Variants in MARCHF1 observed in about 807,000 individuals in gnomAD.
MARCHF1 encodes the protein membrane associated ring-CH-type finger 1.
In MARCHF1, 40 loss-of-function variants were observed where a neutral mutation model predicts 54.2. That is an observed-to-expected ratio of 0.74 (90% CI 0.57 to 0.96). The LOEUF (loss-of-function observed/expected upper bound fraction) is 0.96, where lower values mean the gene tolerates loss of function less well. Ranked by LOEUF, MARCHF1 falls within the 40% of genes least tolerant of loss-of-function variation. The pLI, the probability that MARCHF1 is intolerant of heterozygous loss-of-function variation, is 0.00. For synonymous variants in MARCHF1, 236 were observed against 236.3 expected (o/e 1.00, Z 0.01); for missense variants, 586 against 656.5 (o/e 0.89, Z 1.17).
At chr4:163,714,276 T>C (rs1011031545) in intron 4 of MARCHF1, among the ~76,000 whole-genome samples, 1 of 152,164 alleles carries the variant, frequency 6.6e-6, no homozygotes. Context: ...TCCAAATAAA[T>C]ATGCAATGTA....
chr4:164,150,037 T>C (rs1271135980), intron 1 of MARCHF1, among the ~76,000 whole-genome samples: 17 of 152,136 alleles, frequency 1.1e-4, no homozygotes, highest in Admixed American at 1.1e-3. Context: ...TATTATTGTC[T>C]CATAAAACGA....
At chr4:163,592,657 T>A (rs1740629197) in intron 7 of MARCHF1, among the ~76,000 whole-genome samples, 1 of 152,132 alleles carries the variant, frequency 6.6e-6, no homozygotes, top group Non-Finnish European at 1.5e-5. Flanking sequence ...TGCAATGGAT[T>A]GGGAAGATTC....
At chr4:163,853,379 GT>G (rs1749690353) in intron 4 of MARCHF1, among the ~76,000 whole-genome samples, 1 of 152,132 alleles carries the variant, frequency 6.6e-6, no homozygotes, top group Non-Finnish European at 1.5e-5. Context: ...AATGAAGAAT[GT>G]TACAGCCAAA....
At chr4:163,851,153 G>T (rs916313248) in intron 4 of MARCHF1, among the ~76,000 whole-genome samples, 1 of 152,062 alleles carries the variant, frequency 6.6e-6, no homozygotes, top group Non-Finnish European at 1.5e-5. Context: ...AAAAATTAAG[G>T]TAATATAGTT....
At chr4:163,789,032 T>C (rs978034592) in intron 4 of MARCHF1, among the ~76,000 whole-genome samples, 2 of 151,894 alleles carry the variant, frequency 1.3e-5, no homozygotes, top group African/African-American at 4.8e-5. Context: ...GTTCTAATGG[T>C]GATTTTTGTT....
rs181342091 is a variant in MARCHF1 at position 164,062,504 on chromosome 4, A to C, written c.-248+49084T>G. ...ATATATGGATACTACAACATTACAA[A>C]ATTTTTCTTTTAGTTGTTATTTATT... On this transcript the variant is annotated intron_variant, in intron 2 of 9. Coordinates refer to ENST00000514618, the MANE Select transcript of MARCHF1 (RefSeq NM_001394959.1). Among the ~76,000 whole-genome samples the C allele has an allele frequency of 2.0e-5, 3 of 152,030 alleles. No homozygotes were observed. In the East Asian group the frequency reaches 5.8e-4, roughly 29 times the overall value.
chr4:164,369,283 C>T (rs1164589069), intron 1 of MARCHF1, among the ~76,000 whole-genome samples: 1 of 152,126 alleles, frequency 6.6e-6, no homozygotes. Context: ...TTTACTACAA[C>T]TTTTATATGA....
chr4:164,379,786 G>A (rs1731314409), intron 1 of MARCHF1, among the ~76,000 whole-genome samples: 1 of 151,888 alleles, frequency 6.6e-6, no homozygotes, highest in East Asian at 1.9e-4. Flanking sequence ...AGGAGTTTTA[G>A]CATAGATGGT....
At position 163,585,886 on chromosome 4, in the gene MARCHF1, G is replaced by C; in HGVS notation, c.1054C>G (p.Pro352Ala). 1 of 1,613,454 alleles carries C rather than the reference G, an allele frequency of 6.2e-7. No homozygotes were observed. The highest frequency in any genetic ancestry group is 8.5e-7 in the Non-Finnish European group (1 of 1,179,782). The stretch of plus-strand genomic sequence containing the variant: ...CGCAGTGTCCCAGTGCAGCGACAGG[G>C]TGTGATGAGGGGGCTCTCTTCATCC... ...EGDEESPLIT[P>A]CRCTGTLRFV... The change falls in exon 8 of 10, where the codon CCC becomes GCC. Residue 352 changes from proline to alanine, a missense_variant. By Grantham distance (27) the Pro-to-Ala change is conservative (BLOSUM62 -1). Around this residue, in one of 3 missense-constraint regions of MARCHF1, gnomAD observed 93 missense variants for 168.2 expected, o/e 0.55. Transcript: ENST00000514618.
At chr4:164,376,518 G>A (rs1435536940) in intron 1 of MARCHF1, among the ~76,000 whole-genome samples, 2 of 152,128 alleles carry the variant, frequency 1.3e-5, no homozygotes, top group Non-Finnish European at 2.9e-5. Flanking sequence ...TGAGGCACCG[G>A]GTAAAGTGAA....
At chr4:163,902,443 C>T (rs1435617783) in intron 3 of MARCHF1, among the ~76,000 whole-genome samples, 1 of 152,196 alleles carries the variant, frequency 6.6e-6, no homozygotes, top group African/African-American at 2.4e-5. Flanking sequence ...AACCTGCAGA[C>T]ATGAAGTGTT....
intron 2 of MARCHF1, among the ~76,000 whole-genome samples, chr4:164,066,506 C>A (rs905412118): frequency 1.3e-5 from 2 of 152,120 alleles, no homozygotes; most frequent in African/African-American, 4.8e-5. Context: ...ACCCAGAAAT[C>A]TAATTACTGG....
At chr4:164,345,010 A>G (rs527853499) in intron 1 of MARCHF1, among the ~76,000 whole-genome samples, 1 of 152,176 alleles carries the variant, frequency 6.6e-6, no homozygotes, top group Non-Finnish European at 1.5e-5. Context: ...TTGTCACTAA[A>G]TCTATAATTA....
chr4:163,940,713 C>A (rs1331189027), intron 3 of MARCHF1, among the ~76,000 whole-genome samples: 1 of 152,000 alleles, frequency 6.6e-6, no homozygotes, highest in African/African-American at 2.4e-5. Context: ...AAATATGGAA[C>A]TTATGAATCA....
intron 8 of MARCHF1, among the ~76,000 whole-genome samples, chr4:163,580,585 T>C (rs1242295673): frequency 1.3e-5 from 2 of 152,188 alleles, no homozygotes; most frequent in African/African-American, 4.8e-5. Context: ...AGAATGGAGA[T>C]AAACAGCCTT....
intron 2 of MARCHF1, among the ~76,000 whole-genome samples, chr4:164,100,903 G>A (rs141135114): frequency 0.023 from 3,526 of 152,206 alleles, 47 homozygotes; most frequent in Non-Finnish European, 0.036. Context: ...CAGTGGGTGC[G>A]CGCACAGTGC....
chr4:164,214,546 G>A lies in MARCHF1; in HGVS notation c.-322-102884C>T, dbSNP rs574107728. ...GCTAAGATCAAAGATTGTGTAAATG[G>A]TAGACATAGATCCAAGTCATAGCTT... On this transcript the variant is annotated intron_variant, in intron 1 of 9. Transcript: ENST00000514618. Among the ~76,000 whole-genome samples, 37 of 152,172 alleles carry A rather than the reference G, an allele frequency of 2.4e-4. 1 individual carries two copies. In the South Asian group the frequency reaches 7.7e-3, roughly 32 times the overall value.
chr4:164,004,139 T>C (rs962417977), intron 2 of MARCHF1, among the ~76,000 whole-genome samples: 2 of 151,474 alleles, frequency 1.3e-5, no homozygotes, highest in Middle Eastern at 3.4e-3. Flanking sequence ...CTGTCGAGGA[T>C]TGTGGGGAGA....
chr4:164,052,483 G>T (rs1754394945), intron 2 of MARCHF1, among the ~76,000 whole-genome samples: 1 of 152,050 alleles, frequency 6.6e-6, no homozygotes, highest in African/African-American at 2.4e-5. Flanking sequence ...AGTGAGCCAA[G>T]ATCACGCCAC....
Sources: gnomAD v4.1 joint callset for allele counts (sites outside exome capture counted in the v4.1 genomes callset) on GRCh38, gnomAD v4.1.1 for gene constraint, gnomAD v4.1.1 regional missense constraint, MANE v1.5 for transcripts, NCBI Gene and HGNC (gene_info 2026-07-23, HGNC 2026-07-21) for gene names.